NELL1: variants seen among roughly 807,000 people sequenced by gnomAD.
The protein encoded by NELL1 is neural EGFL like 1.
A neutral mutation model predicts 107.4 loss-of-function variants in NELL1; 76 were observed. The observed-to-expected ratio is 0.71, with a 90% CI of 0.59 to 0.86. NELL1 has a LOEUF of 0.86. Among genes scored for constraint, NELL1 ranks in the 40% least tolerant of loss-of-function variants. The pLI is 0.00. For synonymous variants in NELL1, 353 were observed against 341.2 expected (o/e 1.03, Z -0.38); for missense variants, 1,024 against 1,005.5 (o/e 1.02, Z -0.25).
intron 2 of NELL1, among the ~76,000 whole-genome samples, chr11:20,738,661 C>T (rs1326248806): frequency 6.6e-6 from 1 of 152,234 alleles, no homozygotes; most frequent in Non-Finnish European, 1.5e-5. Flanking sequence ...GCAGGACTAG[C>T]TTCTTGACCT....
At chr11:20,922,998 A>G (rs1291746202) in intron 7 of NELL1, among the ~76,000 whole-genome samples, 1 of 152,114 alleles carries the variant, frequency 6.6e-6, no homozygotes, top group Non-Finnish European at 1.5e-5. Flanking sequence ...ATGGTTCCTT[A>G]GAGAAAATGG....
At chr11:20,709,095 G>T (rs999539000) in intron 2 of NELL1, among the ~76,000 whole-genome samples, 3 of 151,948 alleles carry the variant, frequency 2.0e-5, no homozygotes, top group East Asian at 1.9e-4. Context: ...TGTGTGGCCC[G>T]GTTCCTGACA....
intron 12 of NELL1, among the ~76,000 whole-genome samples, chr11:21,056,809 G>C (rs550413882): frequency 6.6e-6 from 1 of 152,042 alleles, no homozygotes; most frequent in Non-Finnish European, 1.5e-5. Flanking sequence ...AAGTATATTA[G>C]AGATTATCTA....
At chr11:21,158,536 A>G (rs1856295419) in intron 13 of NELL1, among the ~76,000 whole-genome samples, 1 of 152,188 alleles carries the variant, frequency 6.6e-6, no homozygotes, top group Admixed American at 6.5e-5. Flanking sequence ...TGAATGTTAG[A>G]TGTGATCTTT....
At chr11:21,450,333 TAAAC>T (rs1420152093) in intron 15 of NELL1, among the ~76,000 whole-genome samples, 1 of 152,184 alleles carries the variant, frequency 6.6e-6, no homozygotes, top group Non-Finnish European at 1.5e-5. Context: ...TGCAAAGTCT[TAAAC>T]AGCGGAAAAC....
chr11:21,308,766 A>T (rs1261355777), intron 14 of NELL1, among the ~76,000 whole-genome samples: 1 of 152,048 alleles, frequency 6.6e-6, no homozygotes, highest in Non-Finnish European at 1.5e-5. Flanking sequence ...TGATAGGATC[A>T]TAAGCCACTG....
Position 21,252,099 on chromosome 11 carries a change from C to G in NELL1, c.1549+22645C>G, listed in dbSNP as rs1370015870. ...TCTTGCTAAATCTCCAAAGGACATT[C>G]ATTATTCTATTTATAGATGAGACAA... is the stretch of plus-strand genomic sequence containing the variant. On this transcript the variant is annotated intron_variant, in intron 14 of 19. Coordinates refer to ENST00000357134, the MANE Select transcript of NELL1 (RefSeq NM_006157.5). Among the ~76,000 whole-genome samples, 3 of 152,140 alleles carry G rather than the reference C, an allele frequency of 2.0e-5. No individual in the cohort carries two copies. In the South Asian group the frequency reaches 6.2e-4, roughly 31 times the overall value.
chr11:21,413,442 GA>G (rs551408597), intron 15 of NELL1, among the ~76,000 whole-genome samples: 16 of 151,414 alleles, frequency 1.1e-4, no homozygotes, highest in Non-Finnish European at 2.1e-4. Flanking sequence ...AAATAATTTT[GA>G]AAAAAAAGTG....
intron 13 of NELL1, among the ~76,000 whole-genome samples, chr11:21,167,826 T>G (rs559116560): frequency 6.6e-6 from 1 of 151,888 alleles, no homozygotes; most frequent in South Asian, 2.1e-4. Context: ...CTCTTTCTTT[T>G]TCTTTAGATC....
intron 13 of NELL1, among the ~76,000 whole-genome samples, chr11:21,137,064 G>A (rs1766552513): frequency 6.6e-6 from 1 of 152,190 alleles, no homozygotes; most frequent in African/African-American, 2.4e-5. Context: ...GAGGAGGCAT[G>A]TGGTAAAGAA....
At chr11:21,300,461 G>A (rs1206271779) in intron 14 of NELL1, among the ~76,000 whole-genome samples, 1 of 151,962 alleles carries the variant, frequency 6.6e-6, no homozygotes, top group East Asian at 1.9e-4. Context: ...AAGCTGAAGA[G>A]TGATGAGAAG....
At chr11:20,731,549 A>G (rs758324179) in intron 2 of NELL1, among the ~76,000 whole-genome samples, 7 of 152,216 alleles carry the variant, frequency 4.6e-5, no homozygotes, top group Non-Finnish European at 8.8e-5. Context: ...CTCAATACCC[A>G]TGTGTCTGCA....
chr11:21,345,187 CT>C (rs1850658085), intron 14 of NELL1, among the ~76,000 whole-genome samples: 1 of 152,072 alleles, frequency 6.6e-6, no homozygotes. Flanking sequence ...GGCTATTTGC[CT>C]CTTCTGCAAA....
intron 12 of NELL1, among the ~76,000 whole-genome samples, chr11:21,031,329 G>A (rs1452640508): frequency 1.3e-5 from 2 of 152,098 alleles, no homozygotes; most frequent in Admixed American, 6.6e-5. Flanking sequence ...TTATGTTAAT[G>A]TTCAGAATTC....
intron 14 of NELL1, among the ~76,000 whole-genome samples, chr11:21,331,214 C>G (rs916659738): frequency 6.6e-6 from 1 of 151,962 alleles, no homozygotes; most frequent in Non-Finnish European, 1.5e-5. Context: ...CTTCTCATGG[C>G]ACCTCTTGTT....
intron 13 of NELL1, among the ~76,000 whole-genome samples, chr11:21,178,666 A>T (rs553066162): frequency 6.6e-6 from 1 of 151,292 alleles, no homozygotes; most frequent in Non-Finnish European, 1.5e-5. Context: ...CAGGAGGCGG[A>T]GATGAGAGGA....
intron 11 of NELL1, among the ~76,000 whole-genome samples, chr11:20,956,841 A>G (rs1207004763): frequency 1.3e-5 from 2 of 152,222 alleles, no homozygotes; most frequent in Non-Finnish European, 2.9e-5. Flanking sequence ...TACTGATTTA[A>G]AGATGATAAA....
chr11:21,449,728 G>A (rs1853531502), intron 15 of NELL1, among the ~76,000 whole-genome samples: 1 of 152,110 alleles, frequency 6.6e-6, no homozygotes, highest in African/African-American at 2.4e-5. Flanking sequence ...TTTTGCAGCT[G>A]GGGAAAGATA....
chr11:21,043,272 A>G (rs983598419), intron 12 of NELL1, among the ~76,000 whole-genome samples: 3 of 152,108 alleles, frequency 2.0e-5, no homozygotes, highest in Non-Finnish European at 2.9e-5. Flanking sequence ...CAGTAAAGAG[A>G]TTGAAAAGCT....
Sources: allele counts gnomAD v4.1 joint callset (sites outside exome capture counted in the v4.1 genomes callset), GRCh38; gene constraint gnomAD v4.1.1; transcripts MANE v1.5; gene names NCBI Gene and HGNC (gene_info 2026-07-23, HGNC 2026-07-21).